NTM: variants seen among roughly 807,000 people sequenced by gnomAD.
NTM encodes IgLON family member 2.
In NTM, 13 loss-of-function variants were observed where a neutral mutation model predicts 42.1. The ratio of observed to expected loss-of-function variants is 0.31; its 90% confidence interval spans 0.20 to 0.49. The LOEUF (loss-of-function observed/expected upper bound fraction) is 0.49, where lower values mean the gene tolerates loss of function less well. Ranked by LOEUF, NTM falls within the 20% of genes least tolerant of loss-of-function variation. The pLI is 0.99. For missense variants in NTM, 373 were observed against 452.8 expected, an observed-to-expected ratio of 0.82 and a Z score of 1.60; for synonymous variants, 187 against 179.2, an observed-to-expected ratio of 1.04 and a Z score of -0.35.
At chr11:131,405,296 T>G (rs1945688443) in intron 1 of NTM, among the ~76,000 whole-genome samples, 1 of 152,176 alleles carries the variant, frequency 6.6e-6, no homozygotes, top group African/African-American at 2.4e-5. Flanking sequence ...CCCCATGAAC[T>G]TCATTGCATC....
rs56071924 is a variant in NTM at position 131,850,875 on chromosome 11, A to G, written c.83-60689A>G. On this transcript the variant is annotated intron_variant, in intron 1 of 8. Coordinates refer to ENST00000683400, the MANE Select transcript of NTM (RefSeq NM_001352005.2). ...TTTCTTGAGGAGAAGAAGAGGCAGC[A>G]GGTTATTTCTCAGATTTCTTTCAAC... Among the ~76,000 whole-genome samples, 260 of 152,338 alleles carry G rather than the reference A, an allele frequency of 1.7e-3. 1 individual carries two copies. The highest frequency in any genetic ancestry group is 5.9e-3 in the African/African-American group (245 of 41,582).
chr11:131,889,568 A>G (rs1015179673), intron 1 of NTM, among the ~76,000 whole-genome samples: 1 of 152,198 alleles, frequency 6.6e-6, no homozygotes, highest in South Asian at 2.1e-4. Context: ...TCAAGGGAAA[A>G]CAGTGCTCCT....
intron 1 of NTM, among the ~76,000 whole-genome samples, chr11:131,533,653 G>A (rs548536584): frequency 2.7e-4 from 41 of 152,316 alleles, no homozygotes; most frequent in East Asian, 9.6e-4. Context: ...GGCAGGAGTC[G>A]TGGCTACAGG....
At chr11:131,656,202 G>T (rs888834716) in intron 1 of NTM, among the ~76,000 whole-genome samples, 1 of 152,194 alleles carries the variant, frequency 6.6e-6, no homozygotes, top group Non-Finnish European at 1.5e-5. Flanking sequence ...TTTTATGCAA[G>T]GAAAGAAAAG....
chr11:132,287,160 T>G (rs2094275435), intron 4 of NTM, among the ~76,000 whole-genome samples: 1 of 152,196 alleles, frequency 6.6e-6, no homozygotes, highest in Non-Finnish European at 1.5e-5. Flanking sequence ...AACCAGTCCT[T>G]AGGCCCTTTA....
chr11:132,311,848 C>G (rs1246889986), intron 6 of NTM, among the ~76,000 whole-genome samples: 2 of 152,198 alleles, frequency 1.3e-5, no homozygotes, highest in East Asian at 3.9e-4. Flanking sequence ...GAGAGCTCTC[C>G]TCTGTGCAGC....
chr11:131,642,518 C>A (rs968155013), intron 1 of NTM, among the ~76,000 whole-genome samples: 4 of 152,148 alleles, frequency 2.6e-5, no homozygotes, highest in African/African-American at 4.8e-5. Flanking sequence ...TCCCTGGAGC[C>A]CATAAATTTG....
At chr11:131,546,527 T>G (rs1022709155) in intron 1 of NTM, 2 of 152,224 alleles carry the variant, frequency 1.3e-5, no homozygotes, top group Non-Finnish European at 2.9e-5. Flanking sequence ...GTTCTGGGAC[T>G]CAGGAGGACA....
intron 1 of NTM, among the ~76,000 whole-genome samples, chr11:131,710,711 G>T (rs1213971618): frequency 6.6e-6 from 1 of 152,130 alleles, no homozygotes. Context: ...GAAACTCTTG[G>T]GTTGGGACAC....
chr11:132,081,819 C>T (rs1051341253), intron 2 of NTM, among the ~76,000 whole-genome samples: 3 of 151,208 alleles, frequency 2.0e-5, no homozygotes, highest in Non-Finnish European at 2.9e-5. Flanking sequence ...GAACCAGCTA[C>T]TTGGAGGGTT....
chr11:131,627,283 A>G (rs750421233), intron 1 of NTM, among the ~76,000 whole-genome samples: 2 of 151,812 alleles, frequency 1.3e-5, no homozygotes, highest in Non-Finnish European at 2.9e-5. Flanking sequence ...TGGAAAAAGA[A>G]TATACACTGC....
intron 1 of NTM, chr11:131,662,215 G>A (rs921812357): frequency 6.6e-6 from 1 of 152,180 alleles, no homozygotes; most frequent in Non-Finnish European, 1.5e-5. Flanking sequence ...TTAACAAAGA[G>A]GGAGGATAAA....
intron 4 of NTM, among the ~76,000 whole-genome samples, chr11:132,245,856 G>A (rs2091043363): frequency 6.6e-6 from 1 of 152,080 alleles, no homozygotes; most frequent in Non-Finnish European, 1.5e-5. Flanking sequence ...GAAACTCCTC[G>A]GTTGCTCCCA....
At chr11:131,753,399 C>T (rs1478626445) in intron 1 of NTM, among the ~76,000 whole-genome samples, 1 of 151,690 alleles carries the variant, frequency 6.6e-6, no homozygotes, top group African/African-American at 2.4e-5. Flanking sequence ...GGGTATATAA[C>T]CAAAAGGACT....
chr11:131,659,984 G>A (rs1490928788), intron 1 of NTM, among the ~76,000 whole-genome samples: 7 of 152,224 alleles, frequency 4.6e-5, no homozygotes, highest in African/African-American at 7.2e-5. Flanking sequence ...ATGTGAGCAC[G>A]TGAAGGATCC....
At chr11:132,166,835 T>C (rs1381373701) in intron 3 of NTM, among the ~76,000 whole-genome samples, 1 of 152,202 alleles carries the variant, frequency 6.6e-6, no homozygotes, top group Non-Finnish European at 1.5e-5. Context: ...TATGGCTACT[T>C]TCTGGATCCT....
At chr11:132,072,359 A>G (rs922519932) in intron 2 of NTM, among the ~76,000 whole-genome samples, 4 of 152,206 alleles carry the variant, frequency 2.6e-5, no homozygotes, top group African/African-American at 9.6e-5. Context: ...AGGGGTAGAT[A>G]CCAGAGGAAA....
At chr11:132,326,835 A>G (rs2095692867) in intron 7 of NTM, among the ~76,000 whole-genome samples, 1 of 152,186 alleles carries the variant, frequency 6.6e-6, no homozygotes, top group Admixed American at 6.6e-5. Context: ...ATAGAGAGCT[A>G]TGTATTTTCT....
chr11:132,195,531 G>A (rs1257520494), intron 3 of NTM, among the ~76,000 whole-genome samples: 24 of 150,444 alleles, frequency 1.6e-4, no homozygotes, highest in Admixed American at 1.6e-3. Context: ...AAAGCCAGAG[G>A]CATTATATTA....
Sources: allele counts gnomAD v4.1 joint callset (sites outside exome capture counted in the v4.1 genomes callset), GRCh38; gene constraint gnomAD v4.1.1; transcripts MANE v1.5; gene names NCBI Gene and HGNC (gene_info 2026-07-23, HGNC 2026-07-21).